HPGDS: variants seen among roughly 807,000 people sequenced by gnomAD.
HPGDS encodes GST class-sigma.
Under a neutral mutation model 23.1 loss-of-function variants are expected in HPGDS, and 26 were observed. The observed-to-expected ratio is 1.13, with a 90% confidence interval of 0.83 to 1.56. The LOEUF is 1.56. Among genes scored for constraint, HPGDS ranks in the 40% most tolerant of loss-of-function variants. The pLI, the probability that HPGDS is intolerant of heterozygous loss-of-function variation, is 0.00. For synonymous variants in HPGDS, 95 were observed against 77.9 expected (o/e 1.22, Z -1.16); for missense variants, 268 against 236.4 (o/e 1.13, Z -0.88).
intron 2 of HPGDS, among the ~76,000 whole-genome samples, chr4:94,320,308 C>T (rs983574185): frequency 2.0e-5 from 3 of 152,142 alleles, no homozygotes; most frequent in East Asian, 1.9e-4. Context: ...AATGGTATTT[C>T]TATATCTAGA....
chr4:94,327,076 C>T (rs1332064447), intron 2 of HPGDS, among the ~76,000 whole-genome samples: 1 of 152,038 alleles, frequency 6.6e-6, no homozygotes, highest in Non-Finnish European at 1.5e-5. Flanking sequence ...TGGACTCATC[C>T]TCAGGCACTA....
intron 5 of HPGDS, among the ~76,000 whole-genome samples, chr4:94,300,563 G>T (rs530525633): frequency 6.6e-6 from 1 of 152,282 alleles, no homozygotes; most frequent in South Asian, 2.1e-4. Context: ...GGAAGACTCA[G>T]AATTCAGAAT....
chr4:94,323,528 A>G (rs1756561323), intron 2 of HPGDS, among the ~76,000 whole-genome samples: 1 of 151,894 alleles, frequency 6.6e-6, no homozygotes, highest in African/African-American at 2.4e-5. Flanking sequence ...GGCCTTCTTT[A>G]TCTCTTTTGA....
At chr4:94,321,588 G>A (rs1220112747) in intron 2 of HPGDS, among the ~76,000 whole-genome samples, 1 of 152,150 alleles carries the variant, frequency 6.6e-6, no homozygotes, top group African/African-American at 2.4e-5. Flanking sequence ...GTATAGCAAT[G>A]CTTGTGATTT....
At chr4:94,314,860 C>T (rs181254904) in intron 3 of HPGDS, among the ~76,000 whole-genome samples, 102 of 152,328 alleles carry the variant, frequency 6.7e-4, no homozygotes, top group African/African-American at 2.4e-3. Flanking sequence ...CCCCCAGCCT[C>T]GCTGCCGCCT....
chr4:94,331,406 T>C (rs1756734394), intron 2 of HPGDS, among the ~76,000 whole-genome samples: 1 of 152,224 alleles, frequency 6.6e-6, no homozygotes, highest in African/African-American at 2.4e-5. Flanking sequence ...TGTTTAGGTA[T>C]GTTTTCTGTT....
chr4:94,317,832 G>C (rs749132830), intron 3 of HPGDS, 41 bp downstream of exon 3: 3 of 1,115,154 alleles, frequency 2.7e-6, no homozygotes, highest in Non-Finnish European at 4.1e-6. Context: ...TCATGTATTT[G>C]TTTCAGTTAT....
At chr4:94,321,307 C>T (rs1399281558) in intron 2 of HPGDS, among the ~76,000 whole-genome samples, 2 of 152,022 alleles carry the variant, frequency 1.3e-5, no homozygotes, top group Non-Finnish European at 2.9e-5. Flanking sequence ...AAGAAAGTCA[C>T]TTGTAGGTGG....
At chr4:94,338,517 G>T (rs1163868950) in intron 1 of HPGDS, among the ~76,000 whole-genome samples, 1 of 152,132 alleles carries the variant, frequency 6.6e-6, no homozygotes, top group Non-Finnish European at 1.5e-5. Context: ...TCACTCATTT[G>T]TGATCAAAAT....
intron 4 of HPGDS, chr4:94,303,760 G>A (rs151015094): frequency 1.3e-5 from 2 of 152,064 alleles, no homozygotes; most frequent in African/African-American, 2.4e-5. Flanking sequence ...AAAAACTCCT[G>A]TGTGCACTCC....
intron 1 of HPGDS, among the ~76,000 whole-genome samples, chr4:94,335,032 C>T (rs75083354): frequency 0.038 from 5,710 of 152,214 alleles, 353 homozygotes; most frequent in African/African-American, 0.13. Flanking sequence ...TTTTGTTTGC[C>T]CTTGTGACAC....
chr4:94,313,270 T>C (rs988925333), intron 3 of HPGDS, among the ~76,000 whole-genome samples: 42 of 152,242 alleles, frequency 2.8e-4, no homozygotes, highest in Non-Finnish European at 4.4e-4. Flanking sequence ...TTGCAGGGGC[T>C]GGTACTGGTT....
chr4:94,308,363 T>A (rs1436043589), intron 4 of HPGDS, among the ~76,000 whole-genome samples: 1 of 152,088 alleles, frequency 6.6e-6, no homozygotes, highest in African/African-American at 2.4e-5. Context: ...TCAGAGGAAG[T>A]CATATTTATT....
chr4:94,302,101 G>T, intron 5 of HPGDS, 45 bp downstream of exon 5: 1 of 1,401,754 alleles, frequency 7.1e-7, no homozygotes, highest in Non-Finnish European at 1.0e-6. Context: ...CTATTGGTTT[G>T]TCCTTTTATT....
intron 4 of HPGDS, chr4:94,303,898 G>T (rs928417779): frequency 6.6e-6 from 1 of 152,044 alleles, no homozygotes; most frequent in African/African-American, 2.4e-5. Flanking sequence ...GATTGTCTTT[G>T]TAAGTTTGGT....
rs1756192205 is a variant in HPGDS, at chr4:94,308,733, T to G, written c.237A>C (p.Gly79=). The change falls in exon 4 of 6, where the codon GGA becomes GGC. Residue 79 remains glycine (G), a synonymous_variant. Coordinates refer to ENST00000295256, the MANE Select transcript of HPGDS (RefSeq NM_014485.3). ...CATGACATTGTTCCATTTCTGTGTT[T>G]CCAGCCAAATCTGTGGAATAGAGAG... ...RYLTKNTDLA[G]NTEMEQCHVD... 2 of 1,581,994 alleles carry G rather than the reference T, an allele frequency of 1.3e-6. No homozygotes were observed. Among genetic ancestry groups the G allele is most frequent in the Admixed American group, 3.4e-5 (2 of 59,454 alleles).
At chr4:94,314,837 G>C (rs1484713963) in intron 3 of HPGDS, among the ~76,000 whole-genome samples, 1 of 152,296 alleles carries the variant, frequency 6.6e-6, no homozygotes, top group Admixed American at 6.5e-5. Context: ...CCTCAGCAAT[G>C]GTGGGCACCC....
chr4:94,327,803 C>T (rs1448327048), intron 2 of HPGDS, among the ~76,000 whole-genome samples: 1 of 152,164 alleles, frequency 6.6e-6, no homozygotes, highest in Admixed American at 6.5e-5. Context: ...TTAAGTGAAG[C>T]CAGCATTGCA....
chr4:94,332,569 G>A (rs1050062235), intron 2 of HPGDS, among the ~76,000 whole-genome samples: 6 of 152,222 alleles, frequency 3.9e-5, no homozygotes, highest in Admixed American at 2.6e-4. Flanking sequence ...GCTTGCTCCT[G>A]CCAGCGCCCA....
Sources: gnomAD v4.1 joint callset for allele counts (sites outside exome capture counted in the v4.1 genomes callset) on GRCh38, gnomAD v4.1.1 for gene constraint, MANE v1.5 for transcripts, NCBI Gene and HGNC (gene_info 2026-07-23, HGNC 2026-07-21) for gene names.